The following NELL1 variants were observed in gnomAD, a reference collection of about 807,000 sequenced individuals.
NELL1 encodes the protein neural EGFL like 1.
Under a neutral mutation model 107.4 loss-of-function variants are expected in NELL1, and 76 were observed. The observed-to-expected ratio is 0.71, with a 90% CI of 0.59 to 0.86. The LOEUF (loss-of-function observed/expected upper bound fraction) is 0.86. Ranked by LOEUF, NELL1 falls within the 40% of genes least tolerant of loss-of-function variation. The probability of loss-of-function intolerance (pLI) is 0.00; values close to 1 mark genes in which losing one functional copy is unlikely to be tolerated. For missense variants in NELL1, 1,024 were observed against 1,005.5 expected (o/e 1.02, Z -0.25); for synonymous variants, 353 against 341.2 (o/e 1.03, Z -0.38).
At chr11:20,935,128 TTA>T (rs1425164243) in intron 9 of NELL1, among the ~76,000 whole-genome samples, 1 of 152,132 alleles carries the variant, frequency 6.6e-6, no homozygotes, top group Non-Finnish European at 1.5e-5. Context: ...GGAGATAAAA[TTA>T]TAGACATTTT....
At chr11:21,454,032 C>T (rs1180479759) in intron 15 of NELL1, among the ~76,000 whole-genome samples, 5 of 146,892 alleles carry the variant, frequency 3.4e-5, no homozygotes, top group Non-Finnish European at 7.5e-5. Flanking sequence ...CACCCACTAA[C>T]TTGTCATCTA....
chr11:21,150,055 G>A (rs978648792), intron 13 of NELL1, among the ~76,000 whole-genome samples: 1 of 152,018 alleles, frequency 6.6e-6, no homozygotes, highest in East Asian at 1.9e-4. Flanking sequence ...GAGGAGGAGA[G>A]TATTTCAAGC....
chr11:21,572,624 A>G (rs1857126589), intron 18 of NELL1, among the ~76,000 whole-genome samples: 1 of 151,690 alleles, frequency 6.6e-6, no homozygotes. Flanking sequence ...TTGAACTGCA[A>G]TCTAGAAAGT....
intron 12 of NELL1, among the ~76,000 whole-genome samples, chr11:21,100,593 T>C (rs1854780569): frequency 6.6e-6 from 1 of 152,176 alleles, no homozygotes; most frequent in Admixed American, 6.5e-5. Context: ...ACAATTCCAT[T>C]TGTAGACATA....
chr11:21,125,206 G>A (rs1316130937), intron 13 of NELL1, among the ~76,000 whole-genome samples: 3 of 152,148 alleles, frequency 2.0e-5, no homozygotes, highest in African/African-American at 4.8e-5. Flanking sequence ...TCAGGGCCAA[G>A]ACAAAGAGAG....
At chr11:21,468,713 T>C (rs1854095911) in intron 15 of NELL1, among the ~76,000 whole-genome samples, 1 of 152,082 alleles carries the variant, frequency 6.6e-6, no homozygotes, top group African/African-American at 2.4e-5. Flanking sequence ...AGCTCAGAAG[T>C]TACACCTGGG....
chr11:21,489,343 G>A (rs1273487625), intron 15 of NELL1, among the ~76,000 whole-genome samples: 2 of 110,446 alleles, frequency 1.8e-5, no homozygotes, highest in South Asian at 3.2e-4. Flanking sequence ...TCTGCTAAAT[G>A]TGTAGAGAAC....
intron 13 of NELL1, among the ~76,000 whole-genome samples, chr11:21,115,331 AACACACACACACACACACAC>A (rs66507806): frequency 2.8e-5 from 4 of 140,706 alleles, no homozygotes; most frequent in Non-Finnish European, 6.2e-5. Flanking sequence ...GTCTACATCA[AACACACACACACACACACAC>A]ACACACACAC....
chr11:20,751,893 A>G (rs912712084), intron 2 of NELL1, among the ~76,000 whole-genome samples: 1 of 152,146 alleles, frequency 6.6e-6, no homozygotes, highest in East Asian at 1.9e-4. Context: ...TAGAATTGCA[A>G]TTAACTTTTA....
At chr11:21,398,195 G>C (rs1379504282) in intron 15 of NELL1, among the ~76,000 whole-genome samples, 1 of 151,660 alleles carries the variant, frequency 6.6e-6, no homozygotes, top group Non-Finnish European at 1.5e-5. Context: ...TTACTCACCT[G>C]AGGGTGGTGT....
chr11:21,371,948 T>C (rs1479825565), intron 15 of NELL1, among the ~76,000 whole-genome samples: 4 of 152,218 alleles, frequency 2.6e-5, no homozygotes, highest in East Asian at 1.9e-4. Context: ...CAACCTGTTA[T>C]ATTGCACTGC....
intron 3 of NELL1, among the ~76,000 whole-genome samples, chr11:20,839,412 C>T (rs1279730283): frequency 6.6e-6 from 1 of 152,116 alleles, no homozygotes; most frequent in Non-Finnish European, 1.5e-5. Flanking sequence ...CAGGTCTAGT[C>T]TAAACAAGAG....
At chr11:20,948,438 T>C (rs1261415993) in intron 11 of NELL1, among the ~76,000 whole-genome samples, 1 of 152,088 alleles carries the variant, frequency 6.6e-6, no homozygotes, top group Non-Finnish European at 1.5e-5. Flanking sequence ...CAATGTGTAA[T>C]CAAATCAGGG....
At chr11:20,877,320 A>G (rs566520067) in intron 4 of NELL1, among the ~76,000 whole-genome samples, 1 of 152,352 alleles carries the variant, frequency 6.6e-6, no homozygotes, top group South Asian at 2.1e-4. Flanking sequence ...TGGGCTTCAT[A>G]TTGTCTTATT....
At chr11:21,056,556 A>G (rs529560584) in intron 12 of NELL1, among the ~76,000 whole-genome samples, 3 of 152,322 alleles carry the variant, frequency 2.0e-5, no homozygotes, top group Admixed American at 1.3e-4. Context: ...TGTGGTTGTT[A>G]TAATACAGTC....
At chr11:20,970,654 G>A (rs1437246202) in intron 12 of NELL1, among the ~76,000 whole-genome samples, 1 of 152,108 alleles carries the variant, frequency 6.6e-6, no homozygotes. Flanking sequence ...TTCTCAGTAG[G>A]GGGATCAGCA....
intron 14 of NELL1, among the ~76,000 whole-genome samples, chr11:21,352,466 G>A (rs1225684827): frequency 1.3e-5 from 2 of 152,104 alleles, no homozygotes; most frequent in African/African-American, 4.8e-5. Context: ...ATTCATAGAA[G>A]CATTCAAAAT....
chr11:20,861,745 A>G (rs921419802), intron 4 of NELL1, among the ~76,000 whole-genome samples: 7 of 152,234 alleles, frequency 4.6e-5, no homozygotes, highest in African/African-American at 1.4e-4. Context: ...GGTGAGCACA[A>G]TGAGAGACAG....
chr11:21,339,830 G>A (rs534020118), intron 14 of NELL1, among the ~76,000 whole-genome samples: 1 of 152,270 alleles, frequency 6.6e-6, no homozygotes, highest in Admixed American at 6.5e-5. Flanking sequence ...CAGTTTCCAT[G>A]TCCAAGTCCA....
Sources: allele counts gnomAD v4.1 joint callset (sites outside exome capture counted in the v4.1 genomes callset), GRCh38; gene constraint gnomAD v4.1.1; transcripts MANE v1.5; gene names NCBI Gene and HGNC (gene_info 2026-07-23, HGNC 2026-07-21).